The following CDK14 variants were observed in gnomAD, a reference collection of about 807,000 sequenced individuals.
CDK14 encodes cyclin dependent kinase 14, also known as cyclin-dependent kinase 14.
CDK14 carries 34 observed loss-of-function variants against 60.7 expected under a neutral mutation model. The ratio of observed to expected loss-of-function variants is 0.56; its 90% confidence interval spans 0.43 to 0.75. CDK14 has a LOEUF of 0.75. Ranked by LOEUF, CDK14 falls within the 30% of genes least tolerant of loss-of-function variation. The pLI is 0.00. For synonymous variants in CDK14, 197 were observed against 203.7 expected (o/e 0.97, Z 0.28); for missense variants, 482 against 564.1 (o/e 0.85, Z 1.47).
chr7:90,845,002 C>G (rs1157063696), intron 5 of CDK14, among the ~76,000 whole-genome samples: 1 of 152,100 alleles, frequency 6.6e-6, no homozygotes, highest in East Asian at 1.9e-4. Context: ...GAGAGAGAAA[C>G]TTTTTCTCCT....
intron 2 of CDK14, among the ~76,000 whole-genome samples, chr7:90,689,118 A>G (rs934021446): frequency 1.3e-5 from 2 of 152,160 alleles, no homozygotes; most frequent in African/African-American, 4.8e-5. Flanking sequence ...CAGTATCAAT[A>G]CTGTAGTTGT....
intron 11 of CDK14, among the ~76,000 whole-genome samples, chr7:91,060,002 G>A (rs1011903057): frequency 5.9e-5 from 9 of 152,118 alleles, no homozygotes; most frequent in South Asian, 2.1e-4. Context: ...GTTGAAAGTC[G>A]GGTGCTAAAG....
chr7:90,854,419 T>C (rs1161153377), intron 5 of CDK14, among the ~76,000 whole-genome samples: 1 of 152,092 alleles, frequency 6.6e-6, no homozygotes, highest in Non-Finnish European at 1.5e-5. Context: ...GGCAGGTGCC[T>C]GTGGTCCCAG....
At chr7:91,079,176 T>C (rs1798411302) in intron 11 of CDK14, among the ~76,000 whole-genome samples, 2 of 152,228 alleles carry the variant, frequency 1.3e-5, no homozygotes, top group African/African-American at 4.8e-5. Flanking sequence ...TTAGTTGTTC[T>C]AAGAAATAGT....
intron 14 of CDK14, among the ~76,000 whole-genome samples, chr7:91,121,773 C>G (rs1799788966): frequency 6.6e-6 from 1 of 152,216 alleles, no homozygotes; most frequent in African/African-American, 2.4e-5. Context: ...ATAGATTCTT[C>G]TAACTCATTT....
At chr7:90,614,616 T>A (rs899463166) in intron 2 of CDK14, among the ~76,000 whole-genome samples, 162 of 152,058 alleles carry the variant, frequency 1.1e-3, no homozygotes, top group African/African-American at 3.2e-3. Flanking sequence ...TTAATTTTTT[T>A]AAAAAAATAA....
At chr7:90,877,282 C>T (rs904501327) in intron 6 of CDK14, among the ~76,000 whole-genome samples, 5 of 152,126 alleles carry the variant, frequency 3.3e-5, no homozygotes, top group South Asian at 2.1e-4. Flanking sequence ...TGTTATTTTT[C>T]GTAAATGAAC....
chr7:90,962,705 G>A (rs1794636562), intron 9 of CDK14, among the ~76,000 whole-genome samples: 1 of 152,088 alleles, frequency 6.6e-6, no homozygotes, highest in Non-Finnish European at 1.5e-5. Context: ...TTAAATCAAT[G>A]TTTGCAAAAT....
At position 90,726,812 on chromosome 7, in the gene CDK14, G is replaced by C. The variant is rs55722725; in HGVS notation, c.369G>C (p.Ser123=). The change falls in exon 3 of 15, where the codon TCG becomes TCC. Residue 123 remains serine, a splice_region_variant and synonymous_variant. Transcript: ENST00000380050. The part of the protein sequence containing the change: ...PKVRRHSSPS[S]PTSPKFGKAD... ...TTAGGCGGCACTCCAGCCCCAGCTCGGTAAGTGCAGTCTTTTTGTTTATCA... is the reference window on the plus strand; with the variant it reads ...TTAGGCGGCACTCCAGCCCCAGCTCCGTAAGTGCAGTCTTTTTGTTTATCA... The C allele has an allele frequency of 3.1e-6, 5 of 1,613,122 alleles. No homozygotes were observed. Among genetic ancestry groups the C allele is most frequent in the South Asian group, 1.1e-5 (1 of 91,054 alleles).
chr7:90,735,096 G>A (rs1406353886), intron 3 of CDK14, among the ~76,000 whole-genome samples: 2 of 152,150 alleles, frequency 1.3e-5, no homozygotes, highest in African/African-American at 4.8e-5. Flanking sequence ...GAGTTTGCTG[G>A]AGGTCCAGTC....
intron 14 of CDK14, among the ~76,000 whole-genome samples, chr7:91,134,089 T>G (rs1355886832): frequency 1.3e-5 from 2 of 152,146 alleles, no homozygotes; most frequent in Non-Finnish European, 2.9e-5. Context: ...GCTGCTAATC[T>G]CAATGGGCTT....
chr7:90,917,503 AT>A, intron 7 of CDK14, 97 bp from the exon 8 acceptor site: 1 of 1,179,630 alleles, frequency 8.5e-7, no homozygotes, highest in Non-Finnish European at 1.2e-6. Flanking sequence ...ATGGTTACCC[AT>A]TTTCCCTAAA....
intron 5 of CDK14, among the ~76,000 whole-genome samples, chr7:90,852,609 TA>T (rs1790683827): frequency 6.6e-6 from 1 of 152,188 alleles, no homozygotes; most frequent in Non-Finnish European, 1.5e-5. Context: ...AAATATCTCA[TA>T]AACACCCCGA....
intron 2 of CDK14, among the ~76,000 whole-genome samples, chr7:90,683,933 T>C (rs1198894504): frequency 1.3e-5 from 2 of 148,512 alleles, no homozygotes; most frequent in African/African-American, 5.2e-5. Flanking sequence ...TGTGTGTGTG[T>C]ATGCATTCAT....
At chr7:90,819,032 C>A (rs1270587692) in intron 5 of CDK14, among the ~76,000 whole-genome samples, 1 of 151,930 alleles carries the variant, frequency 6.6e-6, no homozygotes, top group Non-Finnish European at 1.5e-5. Context: ...ATTTGATAAA[C>A]CCGTGTGTTG....
chr7:90,943,020 T>C (rs1010433244), intron 8 of CDK14, among the ~76,000 whole-genome samples: 10 of 152,162 alleles, frequency 6.6e-5, no homozygotes, highest in African/African-American at 2.4e-4. Context: ...CATACCTATT[T>C]CTATGGCTCA....
chr7:90,715,965 A>C (rs1357163776), intron 2 of CDK14, among the ~76,000 whole-genome samples: 1 of 151,836 alleles, frequency 6.6e-6, no homozygotes, highest in Non-Finnish European at 1.5e-5. Context: ...TATCAATTTT[A>C]ATATTTCACC....
At chr7:90,774,210 G>A (rs1415959893) in intron 4 of CDK14, among the ~76,000 whole-genome samples, 4 of 151,998 alleles carry the variant, frequency 2.6e-5, no homozygotes, top group Non-Finnish European at 5.9e-5. Flanking sequence ...GGCCAGCACA[G>A]GTCTTTCTTA....
At chr7:90,917,833 G>T in intron 8 of CDK14, 109 bp downstream of exon 8, 21 of 1,072,764 alleles carry the variant, frequency 2.0e-5, no homozygotes, top group South Asian at 1.1e-4. Context: ...ATAGATCCTG[G>T]TAATTTTTTT....
Sources: allele counts gnomAD v4.1 joint callset (sites outside exome capture counted in the v4.1 genomes callset), GRCh38; gene constraint gnomAD v4.1.1; transcripts MANE v1.5; gene names NCBI Gene and HGNC (gene_info 2026-07-23, HGNC 2026-07-21).